The following GRIP1 variants were observed in gnomAD, a reference collection of about 807,000 sequenced individuals.
The protein encoded by GRIP1 is glutamate receptor interacting protein 1.
GRIP1 carries 45 observed loss-of-function variants against 129.9 expected under a neutral mutation model. That is an observed-to-expected ratio of 0.35 (90% confidence interval 0.27 to 0.44). The LOEUF (loss-of-function observed/expected upper bound fraction) is 0.44, where lower values mean the gene tolerates loss of function less well. Among genes scored for constraint, GRIP1 ranks in the 20% least tolerant of loss-of-function variants. The pLI is 1.00. For missense variants in GRIP1, 1,196 were observed against 1,396.8 expected (o/e 0.86, Z 2.29); for synonymous variants, 530 against 520.8 (o/e 1.02, Z -0.24).
chr12:66,687,128 T>C (rs1456671466), intron 1 of GRIP1, among the ~76,000 whole-genome samples: 1 of 152,116 alleles, frequency 6.6e-6, no homozygotes. Context: ...CCTCCTCAAT[T>C]CTAAGACACG....
At chr12:66,676,163 C>T (rs2034318225) in intron 1 of GRIP1, among the ~76,000 whole-genome samples, 1 of 151,866 alleles carries the variant, frequency 6.6e-6, no homozygotes, top group African/African-American at 2.4e-5. Context: ...ATAAATTGTC[C>T]CAGCCCAGAA....
At chr12:66,459,263 T>A (rs1031711419) in intron 9 of GRIP1, among the ~76,000 whole-genome samples, 1 of 151,878 alleles carries the variant, frequency 6.6e-6, no homozygotes, top group Admixed American at 6.6e-5. Flanking sequence ...GACAAAAGAG[T>A]ATTTATTGCA....
At chr12:66,533,512 G>C (rs1281058388) in intron 4 of GRIP1, among the ~76,000 whole-genome samples, 1 of 152,026 alleles carries the variant, frequency 6.6e-6, no homozygotes. Flanking sequence ...GGACATAATG[G>C]TGGGCACCTG....
chr12:66,738,480 C>A (rs2036681920), intron 1 of GRIP1, among the ~76,000 whole-genome samples: 1 of 152,150 alleles, frequency 6.6e-6, no homozygotes, highest in African/African-American at 2.4e-5. Flanking sequence ...CTCGGCCTCC[C>A]AAAGTGCTAG....
intron 1 of GRIP1, among the ~76,000 whole-genome samples, chr12:66,601,200 C>T (rs1370458656): frequency 1.3e-5 from 2 of 152,182 alleles, no homozygotes; most frequent in African/African-American, 2.4e-5. Context: ...ATGTGCCAAA[C>T]ACTGGAGGGG....
At chr12:66,495,894 T>A (rs1441116965) in intron 7 of GRIP1, among the ~76,000 whole-genome samples, 1 of 152,210 alleles carries the variant, frequency 6.6e-6, no homozygotes, top group Non-Finnish European at 1.5e-5. Context: ...TCAGATGTGG[T>A]GCAGTGAAAG....
intron 14 of GRIP1, among the ~76,000 whole-genome samples, chr12:66,430,380 C>T (rs925409354): frequency 6.6e-6 from 1 of 152,094 alleles, no homozygotes; most frequent in African/African-American, 2.4e-5. Context: ...TTTCTCTGTC[C>T]GGGAATAGCA....
chr12:66,554,732 A>C (rs1490578409), intron 2 of GRIP1, among the ~76,000 whole-genome samples: 1 of 152,172 alleles, frequency 6.6e-6, no homozygotes, highest in Non-Finnish European at 1.5e-5. Context: ...ATGGACCTTA[A>C]GTGAACATCG....
At chr12:66,985,773 A>C (rs2042302630) in intron 1 of GRIP1, among the ~76,000 whole-genome samples, 1 of 152,194 alleles carries the variant, frequency 6.6e-6, no homozygotes, top group African/African-American at 2.4e-5. Flanking sequence ...ACAGCACTGT[A>C]AATCAAAATC....
chr12:66,797,764 C>T (rs536169139), intron 1 of GRIP1, among the ~76,000 whole-genome samples: 2 of 152,248 alleles, frequency 1.3e-5, no homozygotes, highest in Admixed American at 1.3e-4. Context: ...GTGAATACAA[C>T]CCTGAGAGGA....
At chr12:66,506,223 A>T (rs2060522767) in intron 7 of GRIP1, among the ~76,000 whole-genome samples, 1 of 152,194 alleles carries the variant, frequency 6.6e-6, no homozygotes, top group Non-Finnish European at 1.5e-5. Context: ...TATGTTCCCC[A>T]AAAGACAAAT....
rs145463670 is a variant in GRIP1, at chr12:66,774,006, T to C, written c.-420+30047A>G. On this transcript the variant is annotated intron_variant, in intron 1 of 4. Transcript: ENST00000538373. ...CTGCATAGTCATGGGTAAACCTGAA[T>C]GGTGCTAGAAGATGGGAGTTAAAAA... 2.0e-3 allele frequency among the ~76,000 whole-genome samples: 308 copies of C among 151,868 alleles called. 1 individual carries two copies. The highest frequency in any genetic ancestry group is 7.0e-3 in the African/African-American group (292 of 41,432).
intron 13 of GRIP1, among the ~76,000 whole-genome samples, chr12:66,443,508 GCAGTGGTGTGATCT>G (rs2058529458): frequency 6.6e-6 from 1 of 150,954 alleles, no homozygotes; most frequent in Non-Finnish European, 1.5e-5. Flanking sequence ...AGGCTGGAGT[GCAGTGGTGTGATCT>G]CAGCTCACTG....
At chr12:66,609,354 C>CTA (rs2064688839) in intron 1 of GRIP1, among the ~76,000 whole-genome samples, 1 of 152,052 alleles carries the variant, frequency 6.6e-6, no homozygotes, top group African/African-American at 2.4e-5. Context: ...AACTTTCTAC[C>CTA]ACAATAATGA....
intron 14 of GRIP1, among the ~76,000 whole-genome samples, chr12:66,426,848 G>C (rs1251555187): frequency 6.6e-6 from 1 of 152,094 alleles, no homozygotes; most frequent in Admixed American, 6.6e-5. Flanking sequence ...GGGGAAGAAG[G>C]CTCTCAGTCT....
intron 14 of GRIP1, among the ~76,000 whole-genome samples, chr12:66,422,897 A>C (rs956693930): frequency 6.6e-6 from 1 of 152,128 alleles, no homozygotes; most frequent in African/African-American, 2.4e-5. Flanking sequence ...CCTGCCCATC[A>C]CCACCATGCA....
chr12:67,066,888 T>TTTTTTTTATATATA (rs59891449), intron 1 of GRIP1, among the ~76,000 whole-genome samples: 1 of 125,662 alleles, frequency 8.0e-6, no homozygotes, highest in Non-Finnish European at 1.6e-5. Flanking sequence ...AAATATATAT[T>TTTTTTTTATATATA]TATATATATA....
intron 23 of GRIP1, among the ~76,000 whole-genome samples, chr12:66,363,491 T>C (rs2137195164): frequency 6.6e-6 from 1 of 151,270 alleles, no homozygotes; most frequent in Admixed American, 6.6e-5. Context: ...GCTCAAGTGA[T>C]CCTCCTGCCT....
chr12:66,865,496 AAT>A (rs1260471292), intron 1 of GRIP1, among the ~76,000 whole-genome samples: 2 of 151,928 alleles, frequency 1.3e-5, no homozygotes, highest in Non-Finnish European at 2.9e-5. Flanking sequence ...CATGGATAGA[AAT>A]ATGTTATTTT....
Sources: gnomAD v4.1 joint callset for allele counts (sites outside exome capture counted in the v4.1 genomes callset) on GRCh38, gnomAD v4.1.1 for gene constraint, MANE v1.5 for transcripts, NCBI Gene and HGNC (gene_info 2026-07-23, HGNC 2026-07-21) for gene names.